Variants in SPTLC3 observed in about 807,000 individuals in gnomAD.
SPTLC3 encodes serine palmitoyltransferase long chain base subunit 3.
Under a neutral mutation model 59.3 loss-of-function variants are expected in SPTLC3, and 36 were observed. The observed-to-expected ratio is 0.61, with a 90% CI of 0.47 to 0.80. The LOEUF is 0.80. Ranked by LOEUF, SPTLC3 falls within the 30% of genes least tolerant of loss-of-function variation. The pLI is 0.00. For synonymous variants in SPTLC3, 257 were observed against 240.8 expected (o/e 1.07, Z -0.62); for missense variants, 625 against 685.1 (o/e 0.91, Z 0.98).
At chr20:13,145,173 C>A (rs2038480761) in intron 9 of SPTLC3, among the ~76,000 whole-genome samples, 1 of 152,060 alleles carries the variant, frequency 6.6e-6, no homozygotes, top group Non-Finnish European at 1.5e-5. Flanking sequence ...ATAAAGGGCA[C>A]CCAAATAGGA....
Position 13,126,707 on chromosome 20 carries a change from G to A in SPTLC3, c.1269G>A (p.Gly423=), listed in dbSNP as rs751079346. The change falls in exon 9 of 12, where the codon GGG becomes GGA. Residue 423 remains glycine, a synonymous_variant. Transcript: ENST00000399002. ...TAAAACTTATCATGGGACTGGATGG[G>A]ACCACTCAAGGTAAGAGGATCTGCA... The part of the protein sequence containing the change: ...RSLKLIMGLD[G]TTQGLQRVQQ... 4.3e-6 allele frequency: 7 copies of A among 1,613,874 alleles called. No individual in the cohort carries two copies. Among genetic ancestry groups the A allele is most frequent in the Non-Finnish European group, 5.9e-6 (7 of 1,179,880 alleles).
rs924436218 is a variant in SPTLC3, at chr20:13,077,914, G to C, written c.607+3417G>C. On this transcript the variant is annotated intron_variant, in intron 4 of 11. Transcript: ENST00000399002. ...CTCCTGCCTCAGCCCCCAAAATGCT[G>C]GGATTATAGGGAGGAGCCACCAGCC... is the stretch of plus-strand genomic sequence containing the variant. 2.6e-5 allele frequency among the ~76,000 whole-genome samples: 4 copies of C among 151,366 alleles called. No individual in the cohort carries two copies. The South Asian group carries it at 8.3e-4, about 32-fold the overall frequency.
intron 4 of SPTLC3, among the ~76,000 whole-genome samples, chr20:13,077,494 C>T (rs1192641606): frequency 1.3e-5 from 2 of 151,762 alleles, no homozygotes; most frequent in Non-Finnish European, 2.9e-5. Flanking sequence ...CAAAGAAAAC[C>T]ACATGAAATT....
rs545955234 is a variant in SPTLC3 at position 13,036,353 on chromosome 20, T to TTCC, written c.118-12574_118-12572dup. ...GAGATAGCAAGACCAACCTCTTCTC[T>TTCC]TCCTCCTCCTCCTCCTCCTCAGCCT... is the stretch of plus-strand genomic sequence containing the variant. On this transcript the variant is annotated intron_variant, in intron 1 of 11. Transcript: ENST00000399002. Among the ~76,000 whole-genome samples the TTCC allele has an allele frequency of 2.6e-5, 4 of 151,462 alleles. No individual in the cohort carries two copies. The South Asian group carries it at 6.3e-4, about 24-fold the overall frequency.
intron 9 of SPTLC3, among the ~76,000 whole-genome samples, chr20:13,135,744 G>A (rs1466323260): frequency 3.3e-5 from 5 of 152,190 alleles, no homozygotes; most frequent in Non-Finnish European, 7.3e-5. Context: ...GAACAGGCCA[G>A]TACTTAAATT....
At chr20:13,110,444 G>C (rs768285608) in intron 7 of SPTLC3, among the ~76,000 whole-genome samples, 1 of 152,182 alleles carries the variant, frequency 6.6e-6, no homozygotes, top group Non-Finnish European at 1.5e-5. Context: ...GCTTGTGAAG[G>C]CTTCCTCAGA....
At chr20:13,082,977 CA>C (rs1195412604) in intron 4 of SPTLC3, among the ~76,000 whole-genome samples, 2 of 152,146 alleles carry the variant, frequency 1.3e-5, no homozygotes, top group Non-Finnish European at 2.9e-5. Context: ...TTGAGGGTGG[CA>C]AAAGAACCAT....
At chr20:13,085,708 G>T (rs1988982324) in intron 4 of SPTLC3, among the ~76,000 whole-genome samples, 1 of 152,178 alleles carries the variant, frequency 6.6e-6, no homozygotes, top group Admixed American at 6.5e-5. Context: ...TGACTAAAGA[G>T]TATGAGCCAG....
rs1176225910 is a variant in SPTLC3, at chr20:13,167,986, C to T, written c.*3119C>T. The T allele has an allele frequency of 6.6e-6, 1 of 152,186 alleles. No individual in the cohort carries two copies. Among genetic ancestry groups the T allele is most frequent in the Non-Finnish European group, 1.5e-5 (1 of 68,032 alleles). 9.4% of individuals were successfully genotyped at this position (152,186 alleles called of 1,614,324 possible). A position where few individuals can be genotyped will look rare whatever the true frequency, so the allele number is the denominator to read the frequency against. ...ATACTGGTAAAATTAATTTATTCCA[C>T]AGTCAACCTTCTCTTCTCATTGGGA... On this transcript the variant is annotated 3_prime_UTR_variant, in exon 12 of 12. Transcript: ENST00000399002.
intron 6 of SPTLC3, among the ~76,000 whole-genome samples, chr20:13,096,898 G>A (rs1252773294): frequency 6.6e-6 from 1 of 152,084 alleles, no homozygotes; most frequent in African/African-American, 2.4e-5. Flanking sequence ...TTATTAGACT[G>A]TGAAACTGTG....
At chr20:13,085,495 A>G (rs939062097) in intron 4 of SPTLC3, among the ~76,000 whole-genome samples, 1 of 152,198 alleles carries the variant, frequency 6.6e-6, no homozygotes, top group Non-Finnish European at 1.5e-5. Context: ...GCAGTTCCCC[A>G]TAATAAACCG....
Position 13,153,989 on chromosome 20 carries a change from C to A in SPTLC3, c.1280-14C>A, listed in dbSNP as rs1484008501. 3.7e-6 allele frequency: 6 copies of A among 1,612,696 alleles called. No homozygotes were observed. In the African/African-American group the frequency reaches 8.0e-5, roughly 22 times the overall value. The stretch of plus-strand genomic sequence containing the variant: ...TAGTGGGAATTGATGGATTTCACGC[C>A]TGTCTCTTTTCAGGGCTGCAGAGAG... On this transcript the variant is annotated splice_polypyrimidine_tract_variant and intron_variant, in intron 9 of 11. Transcript: ENST00000399002.
At chr20:13,108,561 G>T (rs1307894816) in intron 6 of SPTLC3, among the ~76,000 whole-genome samples, 2 of 152,144 alleles carry the variant, frequency 1.3e-5, no homozygotes, top group Non-Finnish European at 2.9e-5. Context: ...TACTGACTAT[G>T]CAGCTTTAGA....
At chr20:13,106,880 G>A (rs1043203184) in intron 6 of SPTLC3, among the ~76,000 whole-genome samples, 5 of 152,146 alleles carry the variant, frequency 3.3e-5, no homozygotes, top group African/African-American at 4.8e-5. Context: ...TCTGTATTCC[G>A]TTAGCCAAAG....
At chr20:13,027,115 A>C (rs80281472) in intron 1 of SPTLC3, among the ~76,000 whole-genome samples, 13,096 of 152,258 alleles carry the variant, frequency 0.086, 752 homozygotes, top group African/African-American at 0.16. Context: ...TGGCTGGCTC[A>C]TCTCTCCTCC....
At chr20:13,028,330 A>T (rs79607811) in intron 1 of SPTLC3, among the ~76,000 whole-genome samples, 4,727 of 152,198 alleles carry the variant, frequency 0.031, 252 homozygotes, top group African/African-American at 0.11. Flanking sequence ...ATGTCTGGTG[A>T]TTCAGTCCAG....
chr20:13,022,542 C>T (rs969948532), intron 1 of SPTLC3, among the ~76,000 whole-genome samples: 1 of 152,108 alleles, frequency 6.6e-6, no homozygotes, highest in African/African-American at 2.4e-5. Flanking sequence ...AGAAGCTGGG[C>T]CAGGAGGGTC....
chr20:13,056,155 C>T (rs1258590110), intron 2 of SPTLC3, among the ~76,000 whole-genome samples: 1 of 152,184 alleles, frequency 6.6e-6, no homozygotes. Context: ...GCTACAAGAA[C>T]TGCTCGAACC....
intron 2 of SPTLC3, among the ~76,000 whole-genome samples, chr20:13,069,889 AAT>A (rs1416988735): frequency 4.6e-5 from 7 of 152,210 alleles, no homozygotes; most frequent in African/African-American, 1.7e-4. Flanking sequence ...AGAGTCCAGA[AAT>A]ATTACTTACA....
Sources: gnomAD v4.1 joint callset for allele counts (sites outside exome capture counted in the v4.1 genomes callset) on GRCh38, gnomAD v4.1.1 for gene constraint, MANE v1.5 for transcripts, NCBI Gene and HGNC (gene_info 2026-07-23, HGNC 2026-07-21) for gene names.